Variants in GALNT13 observed in about 807,000 individuals in gnomAD.
GALNT13 encodes the protein UDP-GalNAc:polypeptide N-acetylgalactosaminyltransferase 13.
A neutral mutation model predicts 64.2 loss-of-function variants in GALNT13; 28 were observed. That is an observed-to-expected ratio of 0.44 (90% CI 0.32 to 0.60). The LOEUF (loss-of-function observed/expected upper bound fraction) is 0.60. Ranked by LOEUF, GALNT13 falls within the 20% of genes least tolerant of loss-of-function variation. The pLI is 0.05. For synonymous variants in GALNT13, 214 were observed against 224.6 expected, an observed-to-expected ratio of 0.95 and a Z score of 0.42; for missense variants, 577 against 669.8, an observed-to-expected ratio of 0.86 and a Z score of 1.53.
At chr2:154,081,019 G>T (rs1701245471) in intron 3 of GALNT13, among the ~76,000 whole-genome samples, 1 of 151,362 alleles carries the variant, frequency 6.6e-6, no homozygotes, top group Admixed American at 6.6e-5. Context: ...ATTATATTTT[G>T]TGGTTGCTGT....
the GALNT13 span, among the ~76,000 whole-genome samples, chr2:153,485,203 T>A: frequency 1.3e-5 from 2 of 152,350 alleles, no homozygotes; most frequent in Admixed American, 1.3e-4. Context: ...ATTTATAATG[T>A]CTTCTTTTAT....
At chr2:154,131,293 A>G (rs1682601298) in intron 3 of GALNT13, among the ~76,000 whole-genome samples, 1 of 152,226 alleles carries the variant, frequency 6.6e-6, no homozygotes, top group African/African-American at 2.4e-5. Flanking sequence ...ATATATTATA[A>G]GGATGATTGT....
the GALNT13 span, among the ~76,000 whole-genome samples, chr2:153,108,565 A>G: frequency 6.6e-6 from 1 of 152,178 alleles, no homozygotes; most frequent in Non-Finnish European, 1.5e-5. Context: ...ACATTACAAT[A>G]TATGTTTACA....
At chr2:153,672,847 C>A in the GALNT13 span, among the ~76,000 whole-genome samples, 1 of 150,580 alleles carries the variant, frequency 6.6e-6, no homozygotes, top group African/African-American at 2.4e-5. Flanking sequence ...AAGAATCAAC[C>A]AGACACAATA....
chr2:153,509,080 G>A, the GALNT13 span, among the ~76,000 whole-genome samples: 2 of 152,202 alleles, frequency 1.3e-5, no homozygotes, highest in African/African-American at 2.4e-5. Context: ...AGTGTCTTGT[G>A]GTTATAGAAA....
the GALNT13 span, among the ~76,000 whole-genome samples, chr2:153,512,966 C>G: frequency 6.6e-6 from 1 of 152,064 alleles, no homozygotes; most frequent in South Asian, 2.1e-4. Flanking sequence ...GTTTTCAACA[C>G]ATGTTATTTG....
At chr2:153,156,651 C>CAAACCT in the GALNT13 span, among the ~76,000 whole-genome samples, 1 of 152,150 alleles carries the variant, frequency 6.6e-6, no homozygotes, top group Admixed American at 6.6e-5. Context: ...AATATCAATG[C>CAAACCT]AAACCTAGCA....
the GALNT13 span, among the ~76,000 whole-genome samples, chr2:153,748,840 T>A: frequency 6.6e-6 from 1 of 151,698 alleles, no homozygotes; most frequent in African/African-American, 2.4e-5. Context: ...TTCAAGAAAC[T>A]TTTTCCACCC....
the GALNT13 span, among the ~76,000 whole-genome samples, chr2:153,775,533 C>T: frequency 6.6e-6 from 1 of 152,054 alleles, no homozygotes; most frequent in Admixed American, 6.6e-5. Context: ...GCAAACTATT[C>T]TCTTACTAAA....
Position 154,328,169 on chromosome 2 carries a change from T to G in GALNT13, c.1156+26580T>G, listed in dbSNP as rs530051111. On this transcript the variant is annotated intron_variant, in intron 9 of 12. Transcript: ENST00000392825. ...CCTTAAAAGCACCTTTTCTGCATCT[T>G]AATTGTATCATGTTGATCATCCTGC... is the stretch of plus-strand genomic sequence containing the variant. Among the ~76,000 whole-genome samples, 113 of 152,248 alleles carry G rather than the reference T, an allele frequency of 7.4e-4. 2 individuals carry two copies. In the South Asian group the frequency reaches 0.023, roughly 31 times the overall value.
chr2:153,565,137 T>C, the GALNT13 span, among the ~76,000 whole-genome samples: 1 of 152,164 alleles, frequency 6.6e-6, no homozygotes, highest in Non-Finnish European at 1.5e-5. Flanking sequence ...CTACAGAAGC[T>C]TGACATTGTA....
chr2:153,577,561 C>G, the GALNT13 span, among the ~76,000 whole-genome samples: 1 of 152,048 alleles, frequency 6.6e-6, no homozygotes, highest in South Asian at 2.1e-4. Flanking sequence ...TTTTCTCCAT[C>G]AGAAAGAAAA....
At chr2:153,829,821 T>C in the GALNT13 span, among the ~76,000 whole-genome samples, 1 of 152,210 alleles carries the variant, frequency 6.6e-6, no homozygotes, top group Non-Finnish European at 1.5e-5. Context: ...GCATGTTGAA[T>C]TGAACAGAAC....
downstream of GALNT13, among the ~76,000 whole-genome samples, chr2:154,455,583 G>A: frequency 3.9e-5 from 1 of 25,444 alleles, no homozygotes; most frequent in East Asian, 1.3e-3. Flanking sequence ...TATGGAATAG[G>A]TGAAATCAGC....
At chr2:153,439,470 G>T in the GALNT13 span, among the ~76,000 whole-genome samples, 32 of 152,208 alleles carry the variant, frequency 2.1e-4, no homozygotes, top group African/African-American at 7.7e-4. Context: ...GCTCCACCCA[G>T]TTCGAGCTTC....
chr2:153,768,236 C>T, the GALNT13 span, among the ~76,000 whole-genome samples: 1 of 152,100 alleles, frequency 6.6e-6, no homozygotes, highest in Non-Finnish European at 1.5e-5. Context: ...GAGAATGTTC[C>T]ATGCACAGAT....
intron 12 of GALNT13, among the ~76,000 whole-genome samples, chr2:154,441,997 C>T (rs1252338581): frequency 3.3e-5 from 5 of 152,122 alleles, no homozygotes; most frequent in African/African-American, 1.2e-4. Context: ...AATTTTTCTA[C>T]TACACTACAT....
At chr2:153,633,243 C>T in the GALNT13 span, among the ~76,000 whole-genome samples, 1 of 152,100 alleles carries the variant, frequency 6.6e-6, no homozygotes, top group Non-Finnish European at 1.5e-5. Context: ...ATCTATGTTT[C>T]CCCTATCCCT....
the GALNT13 span, among the ~76,000 whole-genome samples, chr2:153,157,947 C>A: frequency 2.6e-5 from 4 of 151,902 alleles, no homozygotes; most frequent in Admixed American, 6.6e-5. Flanking sequence ...TAACTTGACT[C>A]TAGAGTTCCC....
Sources: allele counts gnomAD v4.1 joint callset (sites outside exome capture counted in the v4.1 genomes callset), GRCh38; gene constraint gnomAD v4.1.1; transcripts MANE v1.5; gene names NCBI Gene and HGNC (gene_info 2026-07-23, HGNC 2026-07-21).